The following MEI1 variants were observed in gnomAD, a reference collection of about 807,000 sequenced individuals.
MEI1 encodes the protein meiosis inhibitor protein 1.
In MEI1, 103 loss-of-function variants were observed where a neutral mutation model predicts 146.2. That is an observed-to-expected ratio of 0.70 (90% CI 0.60 to 0.83). The LOEUF (loss-of-function observed/expected upper bound fraction) is 0.83. Among genes scored for constraint, MEI1 ranks in the 40% least tolerant of loss-of-function variants. The pLI is 0.00. For synonymous variants in MEI1, 652 were observed against 628.2 expected, an observed-to-expected ratio of 1.04 and a Z score of -0.57; for missense variants, 1,529 against 1,533.0, an observed-to-expected ratio of 1.00 and a Z score of 0.04.
intron 18 of MEI1, among the ~76,000 whole-genome samples, chr22:41,762,736 G>T (rs944012702): frequency 1.3e-5 from 2 of 151,398 alleles, no homozygotes; most frequent in African/African-American, 4.9e-5. Context: ...TTTTAATTTT[G>T]ATGACCTCTA....
At chr22:41,745,808 G>T in intron 13 of MEI1, 77 bp from the exon 14 acceptor site, 1 of 1,440,780 alleles carries the variant, frequency 6.9e-7, no homozygotes, top group South Asian at 1.5e-5. Context: ...GGCACTCCCC[G>T]CCACCCCCCA....
intron 20 of MEI1, among the ~76,000 whole-genome samples, chr22:41,775,795 C>T (rs141090368): frequency 0.012 from 1,819 of 152,066 alleles, 38 homozygotes; most frequent in Admixed American, 0.058. Context: ...GGGGTTTCAC[C>T]GTGTTAGCCA....
chr22:41,740,735 C>T (rs1173111341), intron 11 of MEI1, among the ~76,000 whole-genome samples: 1 of 150,468 alleles, frequency 6.6e-6, no homozygotes, highest in East Asian at 1.9e-4. Flanking sequence ...GTCTCAAAAA[C>T]AAAAACAAAA....
intron 11 of MEI1, among the ~76,000 whole-genome samples, chr22:41,735,227 G>GTTT (rs1279915415): frequency 5.7e-4 from 49 of 85,442 alleles, no homozygotes; most frequent in Non-Finnish European, 6.9e-4. Flanking sequence ...CTCCCAAAGT[G>GTTT]TTTTTTTTTT....
At chr22:41,791,440 A>G (rs1167150683) in intron 26 of MEI1, among the ~76,000 whole-genome samples, 1 of 152,236 alleles carries the variant, frequency 6.6e-6, no homozygotes, top group Admixed American at 6.5e-5. Flanking sequence ...GTGAGCTGTC[A>G]TGATGCCACT....
At chr22:41,715,934 A>T (rs2070105632) in intron 4 of MEI1, 107 bp from the exon 5 acceptor site, 1 of 763,476 alleles carries the variant, frequency 1.3e-6, no homozygotes, top group Non-Finnish European at 2.1e-6. Flanking sequence ...GACTGTGGTG[A>T]GAGACACATG....
chr22:41,762,416 C>T (rs77654690), intron 18 of MEI1, among the ~76,000 whole-genome samples: 9,949 of 151,628 alleles, frequency 0.066, 1,054 homozygotes, highest in African/African-American at 0.23. Context: ...GCTCTCTTAC[C>T]CAGGCTGAAT....
intron 19 of MEI1, among the ~76,000 whole-genome samples, chr22:41,766,214 C>T (rs950344098): frequency 1.1e-4 from 16 of 149,536 alleles, no homozygotes; most frequent in Admixed American, 2.7e-4. Flanking sequence ...TGCTCTGTCG[C>T]CCAAGCTGGA....
At chr22:41,714,647 G>A (rs1293213587) in intron 4 of MEI1, among the ~76,000 whole-genome samples, 1 of 151,822 alleles carries the variant, frequency 6.6e-6, no homozygotes, top group African/African-American at 2.4e-5. Context: ...GAGGTGGGTG[G>A]ATCACTTGAG....
chr22:41,796,162 A>G (rs1278481317), intron 30 of MEI1, among the ~76,000 whole-genome samples: 1 of 152,144 alleles, frequency 6.6e-6, no homozygotes, highest in African/African-American at 2.4e-5. Flanking sequence ...AAGCAGGCAC[A>G]TTACATGCAT....
At chr22:41,771,022 C>T (rs1282797629) in intron 20 of MEI1, 61 bp downstream of exon 20, 138 of 1,563,408 alleles carry the variant, frequency 8.8e-5, no homozygotes, top group Middle Eastern at 1.9e-4. Context: ...CTCTGAGAGC[C>T]GGTTTACTGA....
At chr22:41,715,914 G>A in intron 4 of MEI1, 127 bp from the exon 5 acceptor site, 1 of 669,062 alleles carries the variant, frequency 1.5e-6, no homozygotes, top group Non-Finnish European at 2.5e-6. Context: ...AGCTAAAAAA[G>A]CTGATTGCTG....
chr22:41,704,933 C>T (rs2147222759), intron 2 of MEI1, among the ~76,000 whole-genome samples: 1 of 152,080 alleles, frequency 6.6e-6, no homozygotes, highest in Middle Eastern at 3.4e-3. Flanking sequence ...CCAGGATGGT[C>T]TCGATCTCCT....
rs1001441918 is a variant in MEI1, at chr22:41,703,596, A to T, written c.298+142A>T. The T allele has an allele frequency of 8.8e-5, 67 of 763,488 alleles. No homozygotes were observed. The African/African-American group carries it at 1.0e-3, about 12-fold the overall frequency. The allele number at this position is 763,488 out of a possible 1,614,324, so 47.3% of individuals were successfully genotyped here. A position where few individuals can be genotyped will look rare whatever the true frequency, so the allele number is the denominator to read the frequency against. On this transcript the variant is annotated intron_variant, in intron 2 of 30. Coordinates refer to ENST00000401548, the MANE Select transcript of MEI1 (RefSeq NM_152513.4). ...ATCAGCAAATTGTTTTGTCATAATG[A>T]TGTAGAAATGGCCCTTTTTCTAAGA...
chr22:41,755,138 A>T lies in MEI1; in HGVS notation c.1951+1092A>T, dbSNP rs143349336. 1.1e-3 allele frequency among the ~76,000 whole-genome samples: 168 copies of T among 152,326 alleles called. 3 individuals are homozygous for T. The East Asian group carries it at 0.022, about 20-fold the overall frequency. ...CCTAGGTACTGCTGTGGATAGAGCG[A>T]TTATAACAGTATGTTATTTGCCCTG... On this transcript the variant is annotated intron_variant, in intron 17 of 30. Transcript: ENST00000401548.
In MEI1 at chr22:41,794,031, C is replaced by A. The variant is rs568982374; in HGVS notation, c.3427+121C>A. On this transcript the variant is annotated intron_variant, in intron 27 of 30. Transcript: ENST00000401548. The stretch of plus-strand genomic sequence containing the variant: ...TGACTCATACTTGTTTTGTTTAATT[C>A]TTTTAGCAGCACTGCAAGGGCAGTC... 41 of 976,432 alleles carry A rather than the reference C, an allele frequency of 4.2e-5. No homozygotes were observed. In the East Asian group the frequency reaches 9.9e-4, roughly 24 times the overall value. The allele number at this position is 976,432 out of a possible 1,614,324, so 60.5% of individuals were successfully genotyped here.
chr22:41,702,838 A>T (rs2068816356), intron 1 of MEI1, among the ~76,000 whole-genome samples: 1 of 151,656 alleles, frequency 6.6e-6, no homozygotes. Context: ...GGCTCACTGC[A>T]ACCTCCGCCT....
At chr22:41,712,672 A>ATGTCTGTGTGTG (rs1555920401) in intron 3 of MEI1, among the ~76,000 whole-genome samples, 1 of 147,004 alleles carries the variant, frequency 6.8e-6, no homozygotes, top group African/African-American at 2.5e-5. Flanking sequence ...ATAGAAATAG[A>ATGTCTGTGTGTG]TGTGTGTGTG....
chr22:41,794,011 C>G, intron 27 of MEI1, 101 bp downstream of exon 27: 2 of 1,128,940 alleles, frequency 1.8e-6, no homozygotes, highest in Non-Finnish European at 2.6e-6. Context: ...TTGTGTGACT[C>G]ATACTTGTTT....
Sources: gnomAD v4.1 joint callset for allele counts (sites outside exome capture counted in the v4.1 genomes callset) on GRCh38, gnomAD v4.1.1 for gene constraint, MANE v1.5 for transcripts, NCBI Gene and HGNC (gene_info 2026-07-23, HGNC 2026-07-21) for gene names.